Variants in MAPK8 observed in about 807,000 individuals in gnomAD.
The protein encoded by MAPK8 is JUN N-terminal kinase.
Under a neutral mutation model 52.9 loss-of-function variants are expected in MAPK8, and 13 were observed. That is an observed-to-expected ratio of 0.25 (90% CI 0.16 to 0.39). The LOEUF (loss-of-function observed/expected upper bound fraction) is 0.39, where lower values mean the gene tolerates loss of function less well. Ranked by LOEUF, MAPK8 falls within the 10% of genes least tolerant of loss-of-function variation. MAPK8 has a pLI of 1.00. For synonymous variants in MAPK8, 191 were observed against 169.8 expected (o/e 1.12, Z -0.97); for missense variants, 300 against 519.2 (o/e 0.58, Z 4.10).
At position 48,435,136 on chromosome 10, in the gene MAPK8, A is replaced by T; in HGVS notation, c.*107A>T. The T allele has an allele frequency of 6.9e-6, 6 of 872,914 alleles. No homozygotes were observed. The highest frequency in any genetic ancestry group is 1.0e-5 in the Non-Finnish European group (6 of 599,910). The allele number at this position is 872,914 out of a possible 1,614,324, so 54.1% of individuals were successfully genotyped here. On this transcript the variant is annotated 3_prime_UTR_variant, in exon 12 of 12. Transcript: ENST00000374189. ...TTATTTTTGGGTGATTTTTCAAAAAATGTAGAATTCATTTTGTAGTAAAGT... is the reference window on the plus strand; with the variant it reads ...TTATTTTTGGGTGATTTTTCAAAAATTGTAGAATTCATTTTGTAGTAAAGT...
rs905839173 is a variant in MAPK8, at chr10:48,366,878, TA to T, written c.-49-34722del. Among the ~76,000 whole-genome samples the T allele has an allele frequency of 6.9e-3, 1,008 of 147,152 alleles. 11 individuals carry two copies. The highest frequency in any genetic ancestry group is 0.02 in the African/African-American group (825 of 40,448). ...TTAGTGCAGTTTAGTAGCTGGCTTT[TA>T]AAAAAAAAAAATTGCTTTCTAGAAT... On this transcript the variant is annotated intron_variant, in intron 1 of 11. Coordinates refer to ENST00000374189, the MANE Select transcript of MAPK8 (RefSeq NM_001323329.2).
intron 1 of MAPK8, among the ~76,000 whole-genome samples, chr10:48,307,915 A>C (rs1841567627): frequency 6.6e-6 from 1 of 152,188 alleles, no homozygotes; most frequent in African/African-American, 2.4e-5. Context: ...ACTGAAGTAT[A>C]ATAGATGGAC....
intron 1 of MAPK8, among the ~76,000 whole-genome samples, chr10:48,398,772 A>C (rs1022056860): frequency 3.3e-5 from 5 of 152,192 alleles, no homozygotes; most frequent in Non-Finnish European, 7.3e-5. Flanking sequence ...CAAAAATTAC[A>C]TGCTGTGTGA....
intron 1 of MAPK8, among the ~76,000 whole-genome samples, chr10:48,314,394 G>A (rs1842295568): frequency 1.3e-5 from 2 of 152,080 alleles, no homozygotes; most frequent in Non-Finnish European, 2.9e-5. Context: ...TATGAATTTG[G>A]AGGGACACAG....
chr10:48,368,853 G>A (rs911261650), intron 1 of MAPK8, among the ~76,000 whole-genome samples: 2 of 152,122 alleles, frequency 1.3e-5, no homozygotes, highest in South Asian at 2.1e-4. Flanking sequence ...CTGTTGTATC[G>A]CATAGTGTCT....
intron 1 of MAPK8, among the ~76,000 whole-genome samples, chr10:48,384,362 G>T (rs2041187384): frequency 6.6e-6 from 1 of 152,230 alleles, no homozygotes; most frequent in South Asian, 2.1e-4. Context: ...GTACAGTGAG[G>T]TAAAGACCCT....
intron 3 of MAPK8, among the ~76,000 whole-genome samples, chr10:48,409,211 G>A (rs1230879437): frequency 6.6e-6 from 1 of 152,132 alleles, no homozygotes; most frequent in Non-Finnish European, 1.5e-5. Context: ...GAGATTGAAG[G>A]TCAGATTGAC....
intron 1 of MAPK8, among the ~76,000 whole-genome samples, chr10:48,346,113 A>C (rs750282872): frequency 3.9e-5 from 6 of 152,178 alleles, no homozygotes. Context: ...TCTTTGGTAT[A>C]CAAAAGCCTG....
At position 48,404,990 on chromosome 10, in the gene MAPK8, A is replaced by G. The variant is rs773584378; in HGVS notation, c.252+9A>G. ...GTGTTAATCACAAAAATGTAAGTGA[A>G]CATTTTTGGTTTCCTAAGTATAGAT... On this transcript the variant is annotated intron_variant, in intron 3 of 11. Coordinates refer to ENST00000374189, the MANE Select transcript of MAPK8 (RefSeq NM_001323329.2). The G allele has an allele frequency of 1.4e-5, 22 of 1,591,124 alleles. No homozygotes were observed. The highest frequency in any genetic ancestry group is 1.1e-4 in the Admixed American group (6 of 55,138).
chr10:48,405,503 A>G (rs1290877638), intron 3 of MAPK8, among the ~76,000 whole-genome samples: 2 of 152,234 alleles, frequency 1.3e-5, no homozygotes, highest in Admixed American at 6.5e-5. Context: ...GAAACTATCT[A>G]GAGGGTATTA....
intron 8 of MAPK8, 142 bp from the exon 9 acceptor site, chr10:48,426,238 A>T (rs574561445): frequency 3.4e-6 from 3 of 869,864 alleles, no homozygotes; most frequent in Admixed American, 7.1e-5. Context: ...TTAATCTTAT[A>T]TATTTTAATC....
At chr10:48,309,245 A>G (rs1841718911) in intron 1 of MAPK8, among the ~76,000 whole-genome samples, 1 of 152,170 alleles carries the variant, frequency 6.6e-6, no homozygotes, top group African/African-American at 2.4e-5. Flanking sequence ...GGTTTTTAGT[A>G]TTTTCACAGT....
In MAPK8 at chr10:48,327,402, T is replaced by C. The variant is rs1158773323; in HGVS notation, c.-50+20581T>C. Among the ~76,000 whole-genome samples the C allele has an allele frequency of 3.3e-5, 5 of 152,340 alleles. No individual in the cohort carries two copies. The East Asian group carries it at 7.7e-4, about 23-fold the overall frequency. On this transcript the variant is annotated intron_variant, in intron 1 of 11. Transcript: ENST00000374189. ...GGATTAGGGTTACATTAGTAGATTT[T>C]AGAACCAGCCTTGCATACCTGGGAT...
At chr10:48,368,483 C>G (rs1156915243) in intron 1 of MAPK8, among the ~76,000 whole-genome samples, 1 of 152,172 alleles carries the variant, frequency 6.6e-6, no homozygotes, top group East Asian at 1.9e-4. Flanking sequence ...TTAATTGTGG[C>G]TGGATCCTGG....
chr10:48,434,882 A>T lies in MAPK8; in HGVS notation c.1139-2A>T. 6.2e-7 allele frequency: 1 copy of T among 1,605,594 alleles called. No individual in the cohort carries two copies. Among genetic ancestry groups the T allele is most frequent in the Non-Finnish European group, 8.5e-7 (1 of 1,175,640 alleles). ...TTTGCTGTTTTGTTTCTCATAGCAC[A>T]GGTGCAGCAGTGATCAATGGCTCTC... On this transcript the variant is annotated splice_acceptor_variant, in intron 11 of 11. Coordinates refer to ENST00000374189, the MANE Select transcript of MAPK8 (RefSeq NM_001323329.2). LOFTEE classifies it high-confidence loss of function.
intron 1 of MAPK8, among the ~76,000 whole-genome samples, chr10:48,356,699 G>T (rs1050161178): frequency 1.6e-4 from 25 of 151,794 alleles, no homozygotes; most frequent in Non-Finnish European, 2.8e-4. Context: ...AAAATTAGCT[G>T]GTTCTAATGG....
At chr10:48,384,657 G>C (rs1028659756) in intron 1 of MAPK8, among the ~76,000 whole-genome samples, 1 of 152,206 alleles carries the variant, frequency 6.6e-6, no homozygotes, top group Non-Finnish European at 1.5e-5. Context: ...GGGTTTGAAA[G>C]AACAGCCCAA....
In MAPK8 at chr10:48,435,167, AT is replaced by A. The variant is rs1222767993; in HGVS notation, c.*146del. The A allele has an allele frequency of 1.1e-4, 65 of 598,954 alleles. No homozygotes were observed. The highest frequency in any genetic ancestry group is 4.4e-4 in the South Asian group (12 of 27,272). 37.1% of individuals were successfully genotyped at this position (598,954 alleles called of 1,614,324 possible). A position where few individuals can be genotyped will look rare whatever the true frequency, so the allele number is the denominator to read the frequency against. ...AATTCATTTTGTAGTAAAGTAGTTT[AT>A]TTTTTTTAATTTCAAGTGATGTAAT... On this transcript the variant is annotated 3_prime_UTR_variant, in exon 12 of 12. Coordinates refer to ENST00000374189, the MANE Select transcript of MAPK8 (RefSeq NM_001323329.2).
At chr10:48,424,299 G>A (rs530806350) in intron 7 of MAPK8, 140 bp downstream of exon 7, 71 of 821,064 alleles carry the variant, frequency 8.6e-5, no homozygotes, top group Non-Finnish European at 1.2e-4. Flanking sequence ...TTCAAAAATT[G>A]TTGAGATAAG....
Sources: allele counts gnomAD v4.1 joint callset (sites outside exome capture counted in the v4.1 genomes callset), GRCh38; gene constraint gnomAD v4.1.1; transcripts MANE v1.5; gene names NCBI Gene and HGNC (gene_info 2026-07-23, HGNC 2026-07-21).